MYO1D: variants seen among roughly 807,000 people sequenced by gnomAD.
MYO1D encodes unconventional myosin-Id.
MYO1D carries 83 observed loss-of-function variants against 122.0 expected under a neutral mutation model. That is an observed-to-expected ratio of 0.68 (90% CI 0.57 to 0.82). The LOEUF (loss-of-function observed/expected upper bound fraction) is 0.82. Ranked by LOEUF, MYO1D falls within the 40% of genes least tolerant of loss-of-function variation. The pLI, the probability that MYO1D is intolerant of heterozygous loss-of-function variation, is 0.00. For missense variants in MYO1D, 1,157 were observed against 1,269.5 expected, an observed-to-expected ratio of 0.91 and a Z score of 1.35; for synonymous variants, 464 against 446.9, an observed-to-expected ratio of 1.04 and a Z score of -0.48.
At chr17:32,760,234 A>T (rs1200625918) in intron 10 of MYO1D, 56 bp downstream of exon 10, 5 of 1,361,344 alleles carry the variant, frequency 3.7e-6, no homozygotes, top group Middle Eastern at 1.8e-4. Context: ...ATAAAATTTG[A>T]CATTATCAAT....
intron 21 of MYO1D, among the ~76,000 whole-genome samples, chr17:32,527,621 C>T (rs1436638428): frequency 2.7e-5 from 4 of 150,192 alleles, no homozygotes; most frequent in African/African-American, 7.4e-5. Context: ...AGTGAGACCC[C>T]GTCTATACTA....
chr17:32,526,498 G>A (rs1910347070), intron 21 of MYO1D, among the ~76,000 whole-genome samples: 1 of 152,144 alleles, frequency 6.6e-6, no homozygotes, highest in Admixed American at 6.6e-5. Flanking sequence ...GATGGTGTCT[G>A]TGCCTAAGAT....
intron 15 of MYO1D, among the ~76,000 whole-genome samples, chr17:32,717,526 C>A (rs145254167): frequency 1.5e-3 from 225 of 152,302 alleles, no homozygotes; most frequent in Non-Finnish European, 2.8e-3. Flanking sequence ...AGTATATCCT[C>A]TAGAAGATTT....
intron 1 of MYO1D, among the ~76,000 whole-genome samples, chr17:32,868,077 G>A (rs1162183624): frequency 1.3e-5 from 2 of 151,970 alleles, no homozygotes; most frequent in African/African-American, 4.8e-5. Flanking sequence ...AGTCTAAAAC[G>A]ATTTCTAGAA....
chr17:32,692,045 T>G (rs1216129216), intron 16 of MYO1D, among the ~76,000 whole-genome samples: 1 of 152,206 alleles, frequency 6.6e-6, no homozygotes, highest in African/African-American at 2.4e-5. Context: ...GAGGGACCTT[T>G]TGTATATTAA....
At chr17:32,819,681 T>C (rs999377904) in intron 1 of MYO1D, among the ~76,000 whole-genome samples, 4 of 152,230 alleles carry the variant, frequency 2.6e-5, no homozygotes, top group Admixed American at 6.5e-5. Context: ...GTAACTCTTT[T>C]AGTTATTCAG....
At chr17:32,771,343 C>A in intron 5 of MYO1D, 123 bp from the exon 6 acceptor site, 1 of 632,354 alleles carries the variant, frequency 1.6e-6, no homozygotes, top group Non-Finnish European at 2.6e-6. Context: ...CTGTTTCTAG[C>A]TTTGAAGTTT....
At chr17:32,672,197 G>A (rs914471793) in intron 16 of MYO1D, among the ~76,000 whole-genome samples, 3 of 152,212 alleles carry the variant, frequency 2.0e-5, no homozygotes, top group Admixed American at 6.5e-5. Flanking sequence ...AAAGGAGGAT[G>A]TTAAGGTTCA....
At chr17:32,513,331 C>T (rs1009301134) in intron 21 of MYO1D, among the ~76,000 whole-genome samples, 10 of 152,114 alleles carry the variant, frequency 6.6e-5, no homozygotes, top group East Asian at 1.9e-4. Flanking sequence ...GCTGGAGAGA[C>T]GCTTAGGAGT....
intron 14 of MYO1D, among the ~76,000 whole-genome samples, chr17:32,736,109 C>T (rs933449320): frequency 6.7e-6 from 1 of 150,212 alleles, no homozygotes; most frequent in East Asian, 1.9e-4. Context: ...TCTGGCTTTA[C>T]CTTCTTGCCT....
chr17:32,646,471 A>G (rs141513648), intron 19 of MYO1D, among the ~76,000 whole-genome samples: 384 of 152,140 alleles, frequency 2.5e-3, no homozygotes, highest in African/African-American at 9.0e-3. Context: ...ATATAAAAGA[A>G]AGGAAACAAT....
chr17:32,501,301 T>C (rs1909310877), intron 21 of MYO1D, among the ~76,000 whole-genome samples: 1 of 152,192 alleles, frequency 6.6e-6, no homozygotes, highest in East Asian at 1.9e-4. Flanking sequence ...TGGGGTGCTT[T>C]AGGCCTCAGA....
chr17:32,785,810 C>T (rs1043301800), intron 1 of MYO1D, among the ~76,000 whole-genome samples: 1 of 152,170 alleles, frequency 6.6e-6, no homozygotes, highest in African/African-American at 2.4e-5. Context: ...CTAAATATTC[C>T]AGTTCTCTAG....
chr17:32,559,990 C>T (rs2087103101), intron 21 of MYO1D, among the ~76,000 whole-genome samples: 1 of 152,196 alleles, frequency 6.6e-6, no homozygotes, highest in African/African-American at 2.4e-5. Flanking sequence ...GGTGTGGTGG[C>T]TCACGCCTGT....
intron 1 of MYO1D, among the ~76,000 whole-genome samples, chr17:32,874,421 C>T (rs545847893): frequency 2.8e-4 from 42 of 152,260 alleles, no homozygotes; most frequent in African/African-American, 9.1e-4. Flanking sequence ...TAGCTCACGG[C>T]AGCTTTGAAC....
chr17:32,558,227 T>C (rs1442202186), intron 21 of MYO1D, among the ~76,000 whole-genome samples: 1 of 152,094 alleles, frequency 6.6e-6, no homozygotes. Flanking sequence ...GTTCCAACCC[T>C]TGAGTGCCTA....
chr17:32,755,594 G>A lies in MYO1D; in HGVS notation c.1365C>T (p.Ile455=). ...VEQQHKGIIA[I]LDDACMNVGK... is the part of the protein sequence containing the mutation. ...CGACATTCATGCAAGCATCATCAAG[G>A]ATTGCAATGATCCCTTTGTGCTGTT... Residue 455 remains isoleucine, a synonymous_variant, in exon 11 of 22, where the codon ATC becomes ATT. Transcript: ENST00000318217. The A allele has an allele frequency of 6.2e-7, 1 of 1,613,836 alleles. No individual in the cohort carries two copies. Among genetic ancestry groups the A allele is most frequent in the Non-Finnish European group, 8.5e-7 (1 of 1,179,802 alleles).
chr17:32,805,911 C>T (rs555140828), intron 1 of MYO1D, among the ~76,000 whole-genome samples: 72 of 152,288 alleles, frequency 4.7e-4, no homozygotes, highest in African/African-American at 1.3e-3. Flanking sequence ...GCAACTTCAA[C>T]GAATAAACTG....
chr17:32,557,908 T>C (rs1039779951), intron 21 of MYO1D, among the ~76,000 whole-genome samples: 1 of 151,764 alleles, frequency 6.6e-6, no homozygotes, highest in African/African-American at 2.4e-5. Context: ...TCCACAGCCA[T>C]GTCCACATTT....
Sources: allele counts gnomAD v4.1 joint callset (sites outside exome capture counted in the v4.1 genomes callset), GRCh38; gene constraint gnomAD v4.1.1; transcripts MANE v1.5; gene names NCBI Gene and HGNC (gene_info 2026-07-23, HGNC 2026-07-21).